The following VTI1A variants were observed in gnomAD, a reference collection of about 807,000 sequenced individuals.
VTI1A encodes the protein vesicle transport through interaction with t-SNAREs 1A, also known as vesicle transport through interaction with t-SNAREs homolog 1A.
VTI1A carries 22 observed loss-of-function variants against 34.9 expected under a neutral mutation model. The observed-to-expected ratio is 0.63, with a 90% CI of 0.45 to 0.90. The LOEUF (loss-of-function observed/expected upper bound fraction) is 0.90. Ranked by LOEUF, VTI1A falls within the 40% of genes least tolerant of loss-of-function variation. The pLI, the probability that VTI1A is intolerant of heterozygous loss-of-function variation, is 0.00. For synonymous variants in VTI1A, 87 were observed against 97.3 expected (o/e 0.89, Z 0.62); for missense variants, 268 against 275.6 (o/e 0.97, Z 0.20).
At chr10:112,596,271 C>CCT (rs1464001571) in intron 5 of VTI1A, among the ~76,000 whole-genome samples, 1 of 151,938 alleles carries the variant, frequency 6.6e-6, no homozygotes, top group Non-Finnish European at 1.5e-5. Context: ...ATGTAACTAA[C>CCT]CTGCATATTG....
chr10:112,755,477 G>A (rs1851252594), intron 7 of VTI1A, among the ~76,000 whole-genome samples: 1 of 152,118 alleles, frequency 6.6e-6, no homozygotes, highest in Non-Finnish European at 1.5e-5. Context: ...AGGAGTGCTT[G>A]GTATCCAGGT....
At chr10:112,455,165 CCCCT>C (rs1847397565) in intron 1 of VTI1A, among the ~76,000 whole-genome samples, 1 of 2,194 alleles carries the variant, frequency 4.6e-4, no homozygotes, top group Non-Finnish European at 9.6e-4. Flanking sequence ...CTTCCCTCCT[CCCCT>C]CCTCCCCTCC....
chr10:112,814,700 A>G (rs1465137005), intron 7 of VTI1A, among the ~76,000 whole-genome samples: 5 of 152,178 alleles, frequency 3.3e-5, no homozygotes, highest in Non-Finnish European at 5.9e-5. Flanking sequence ...GCTATGGAGC[A>G]AATGTAACGT....
chr10:112,490,071 A>G (rs922111910), intron 3 of VTI1A, among the ~76,000 whole-genome samples: 2 of 152,140 alleles, frequency 1.3e-5, no homozygotes, highest in Middle Eastern at 6.3e-3. Context: ...AGTTGAAATG[A>G]CTTGTTTTTA....
At chr10:112,785,165 C>A (rs1292429362) in intron 7 of VTI1A, among the ~76,000 whole-genome samples, 1 of 152,152 alleles carries the variant, frequency 6.6e-6, no homozygotes, top group East Asian at 1.9e-4. Context: ...CTGAGCAGGA[C>A]CCCAGAATGG....
intron 5 of VTI1A, among the ~76,000 whole-genome samples, chr10:112,616,890 A>G (rs1845532215): frequency 6.6e-6 from 1 of 152,220 alleles, no homozygotes; most frequent in African/African-American, 2.4e-5. Context: ...AATGGAGCAC[A>G]CAAGAGAGGT....
chr10:112,701,709 A>G (rs1849016066), intron 7 of VTI1A, among the ~76,000 whole-genome samples: 1 of 152,220 alleles, frequency 6.6e-6, no homozygotes, highest in Non-Finnish European at 1.5e-5. Context: ...ACATTCAGAA[A>G]TGCAGATGTG....
At chr10:112,537,406 C>A (rs1433124265) in intron 4 of VTI1A, among the ~76,000 whole-genome samples, 1 of 142,596 alleles carries the variant, frequency 7.0e-6, no homozygotes, top group African/African-American at 2.6e-5. Context: ...CTGAATAGAT[C>A]TAATGTATGA....
At chr10:112,785,934 T>G (rs1852274390) in intron 7 of VTI1A, among the ~76,000 whole-genome samples, 1 of 152,202 alleles carries the variant, frequency 6.6e-6, no homozygotes, top group East Asian at 1.9e-4. Flanking sequence ...TTCAAACTCA[T>G]TTTTATACAT....
intron 5 of VTI1A, among the ~76,000 whole-genome samples, chr10:112,639,303 A>C (rs969187467): frequency 6.6e-6 from 1 of 152,172 alleles, no homozygotes; most frequent in Non-Finnish European, 1.5e-5. Flanking sequence ...GCAAAATATC[A>C]TTTAAATACT....
chr10:112,739,150 G>A (rs1457231382), intron 7 of VTI1A, among the ~76,000 whole-genome samples: 1 of 152,168 alleles, frequency 6.6e-6, no homozygotes, highest in Non-Finnish European at 1.5e-5. Flanking sequence ...TGTGTGTGTG[G>A]AGAGCCTGTC....
intron 7 of VTI1A, among the ~76,000 whole-genome samples, chr10:112,670,739 T>C (rs926939154): frequency 2.8e-4 from 43 of 152,270 alleles, no homozygotes; most frequent in African/African-American, 1.0e-3. Flanking sequence ...TCTGGTGAAA[T>C]CTACATGGGG....
intron 5 of VTI1A, among the ~76,000 whole-genome samples, chr10:112,579,323 A>G (rs1219798927): frequency 1.3e-5 from 2 of 152,238 alleles, no homozygotes; most frequent in African/African-American, 4.8e-5. Flanking sequence ...AGCTCATTGA[A>G]TAAGCATAAA....
chr10:112,451,975 A>G (rs12784656), intron 1 of VTI1A, among the ~76,000 whole-genome samples: 1 of 152,222 alleles, frequency 6.6e-6, no homozygotes, highest in Non-Finnish European at 1.5e-5. Flanking sequence ...AACTAATTTC[A>G]CTTGTTTCTC....
chr10:112,695,841 TG>T (rs1210039870), intron 7 of VTI1A, among the ~76,000 whole-genome samples: 2 of 152,202 alleles, frequency 1.3e-5, no homozygotes, highest in Non-Finnish European at 2.9e-5. Context: ...AGGTTCATGA[TG>T]GTTACTTCAG....
At chr10:112,595,292 A>C (rs1268786497) in intron 5 of VTI1A, among the ~76,000 whole-genome samples, 2 of 149,234 alleles carry the variant, frequency 1.3e-5, no homozygotes, top group Non-Finnish European at 3.0e-5. Flanking sequence ...AATGGCAACA[A>C]AAGCCAAAAT....
intron 7 of VTI1A, among the ~76,000 whole-genome samples, chr10:112,720,978 T>C (rs565907110): frequency 6.6e-6 from 1 of 152,282 alleles, no homozygotes; most frequent in South Asian, 2.1e-4. Flanking sequence ...ATGGTGAAAA[T>C]GCCCTGCAGT....
intron 5 of VTI1A, among the ~76,000 whole-genome samples, chr10:112,541,599 A>G (rs1589880543): frequency 6.6e-6 from 1 of 152,260 alleles, no homozygotes; most frequent in Non-Finnish European, 1.5e-5. Context: ...TGTAGAAAAT[A>G]GAATGGAGTA....
At chr10:112,466,741 C>T (rs1589799604) in intron 3 of VTI1A, among the ~76,000 whole-genome samples, 1 of 152,042 alleles carries the variant, frequency 6.6e-6, no homozygotes, top group East Asian at 1.9e-4. Context: ...TCTAGAAAAA[C>T]AAAGGGTATG....
Sources: gnomAD v4.1 joint callset for allele counts (sites outside exome capture counted in the v4.1 genomes callset) on GRCh38, gnomAD v4.1.1 for gene constraint, MANE v1.5 for transcripts, NCBI Gene and HGNC (gene_info 2026-07-23, HGNC 2026-07-21) for gene names.